GALNT13: variants seen among roughly 807,000 people sequenced by gnomAD.
GALNT13 encodes polypeptide N-acetylgalactosaminyltransferase 13, also known as UDP-GalNAc:polypeptide N-acetylgalactosaminyltransferase 13.
In GALNT13, 28 loss-of-function variants were observed where a neutral mutation model predicts 64.2. The ratio of observed to expected loss-of-function variants is 0.44; its 90% CI spans 0.32 to 0.60. The LOEUF (loss-of-function observed/expected upper bound fraction) is 0.60. Ranked by LOEUF, GALNT13 falls within the 20% of genes least tolerant of loss-of-function variation. The pLI, the probability that GALNT13 is intolerant of heterozygous loss-of-function variation, is 0.05. For missense variants in GALNT13, 577 were observed against 669.8 expected (o/e 0.86, Z 1.53); for synonymous variants, 214 against 224.6 (o/e 0.95, Z 0.42).
chr2:154,304,176 G>A (rs1693606731), intron 9 of GALNT13, among the ~76,000 whole-genome samples: 1 of 152,146 alleles, frequency 6.6e-6, no homozygotes, highest in Non-Finnish European at 1.5e-5. Context: ...TGTGTGATTA[G>A]GAAAAGGACT....
the GALNT13 span, among the ~76,000 whole-genome samples, chr2:153,227,022 G>A: frequency 1.3e-5 from 2 of 152,100 alleles, no homozygotes; most frequent in Admixed American, 6.5e-5. Context: ...GGAGAGAGTG[G>A]GGCAATTCAA....
the GALNT13 span, among the ~76,000 whole-genome samples, chr2:153,723,529 C>T: frequency 1.1e-3 from 164 of 150,158 alleles, no homozygotes; most frequent in African/African-American, 3.5e-3. Context: ...TGTTTGCAGA[C>T]GACATGATTG....
chr2:153,074,857 G>T, the GALNT13 span, among the ~76,000 whole-genome samples: 1 of 152,064 alleles, frequency 6.6e-6, no homozygotes, highest in African/African-American at 2.4e-5. Context: ...ACCTCAACTG[G>T]CTGAGTAGCT....
At chr2:153,346,037 C>T in the GALNT13 span, among the ~76,000 whole-genome samples, 6 of 152,098 alleles carry the variant, frequency 3.9e-5, no homozygotes, top group South Asian at 1.2e-3. Context: ...TGCAGTGGCG[C>T]GATCTCGGCT....
chr2:153,787,801 GC>G, the GALNT13 span, among the ~76,000 whole-genome samples: 1 of 152,120 alleles, frequency 6.6e-6, no homozygotes, highest in Non-Finnish European at 1.5e-5. Context: ...CAATGCAATT[GC>G]CAATATTAAC....
At chr2:153,488,722 C>T in the GALNT13 span, among the ~76,000 whole-genome samples, 3 of 152,142 alleles carry the variant, frequency 2.0e-5, no homozygotes, top group African/African-American at 7.2e-5. Flanking sequence ...ATTGAAAACT[C>T]TAAGAAAAAA....
At chr2:153,814,092 A>G in the GALNT13 span, among the ~76,000 whole-genome samples, 3 of 152,174 alleles carry the variant, frequency 2.0e-5, no homozygotes, top group Non-Finnish European at 4.4e-5. Flanking sequence ...AGGCATCTGA[A>G]AATCTAGGTT....
At chr2:153,377,412 C>T in the GALNT13 span, among the ~76,000 whole-genome samples, 1 of 152,146 alleles carries the variant, frequency 6.6e-6, no homozygotes, top group African/African-American at 2.4e-5. Context: ...GGGGTGGGGC[C>T]TAGCAAGAGG....
chr2:153,995,070 A>G (rs925720043), intron 3 of GALNT13, among the ~76,000 whole-genome samples: 1 of 150,996 alleles, frequency 6.6e-6, no homozygotes, highest in Admixed American at 6.6e-5. Context: ...TAAAGATTTA[A>G]GCTTTCTTAG....
the GALNT13 span, among the ~76,000 whole-genome samples, chr2:153,127,743 T>A: frequency 6.6e-6 from 1 of 152,226 alleles, no homozygotes; most frequent in Non-Finnish European, 1.5e-5. Context: ...TTGCCACTTC[T>A]TGATCTATGC....
intron 3 of GALNT13, among the ~76,000 whole-genome samples, chr2:154,121,026 G>C (rs1681911746): frequency 1.3e-5 from 2 of 152,130 alleles, no homozygotes; most frequent in South Asian, 4.1e-4. Flanking sequence ...ATGACTGCCT[G>C]TCATTTTCTT....
chr2:154,032,751 C>T (rs950862783), intron 3 of GALNT13, among the ~76,000 whole-genome samples: 27 of 151,030 alleles, frequency 1.8e-4, no homozygotes, highest in African/African-American at 5.8e-4. Context: ...GAAGATAATT[C>T]GTTAACCTTA....
At chr2:153,237,531 C>T in the GALNT13 span, among the ~76,000 whole-genome samples, 3 of 151,920 alleles carry the variant, frequency 2.0e-5, no homozygotes, top group South Asian at 2.1e-4. Flanking sequence ...TCTATGAGTT[C>T]GATTATTTTA....
chr2:153,584,237 G>C, the GALNT13 span, among the ~76,000 whole-genome samples: 2 of 152,124 alleles, frequency 1.3e-5, no homozygotes, highest in African/African-American at 4.8e-5. Context: ...ATCAAGACTG[G>C]TGTATGCATC....
At chr2:154,033,154 A>C (rs910380294) in intron 3 of GALNT13, among the ~76,000 whole-genome samples, 2 of 151,972 alleles carry the variant, frequency 1.3e-5, no homozygotes, top group African/African-American at 4.8e-5. Flanking sequence ...ACATAGACCC[A>C]TGATTCACAC....
chr2:154,159,652 T>C (rs781354415), intron 4 of GALNT13, among the ~76,000 whole-genome samples: 9 of 152,134 alleles, frequency 5.9e-5, no homozygotes, highest in Admixed American at 1.3e-4. Context: ...TAGATCTGTA[T>C]TGGGATGAGT....
At chr2:153,858,452 A>G in the GALNT13 span, among the ~76,000 whole-genome samples, 1 of 152,202 alleles carries the variant, frequency 6.6e-6, no homozygotes, top group Non-Finnish European at 1.5e-5. Flanking sequence ...GAAGGTGATT[A>G]CAGTAGTCCC....
At chr2:154,128,362 C>T (rs916862389) in intron 3 of GALNT13, among the ~76,000 whole-genome samples, 2 of 152,006 alleles carry the variant, frequency 1.3e-5, no homozygotes, top group Non-Finnish European at 2.9e-5. Flanking sequence ...TTTTTAATGG[C>T]ATGCTTGCAT....
chr2:154,339,526 T>C (rs564447007), intron 9 of GALNT13, among the ~76,000 whole-genome samples: 1 of 152,224 alleles, frequency 6.6e-6, no homozygotes, highest in South Asian at 2.1e-4. Flanking sequence ...TGGAAGGAAA[T>C]TGCTGGAATT....
Sources: gnomAD v4.1 joint callset for allele counts (sites outside exome capture counted in the v4.1 genomes callset) on GRCh38, gnomAD v4.1.1 for gene constraint, MANE v1.5 for transcripts, NCBI Gene and HGNC (gene_info 2026-07-23, HGNC 2026-07-21) for gene names.